The following SEL1L variants were observed in gnomAD, a reference collection of about 807,000 sequenced individuals.
SEL1L encodes the protein SEL1L adaptor subunit of SYVN1 ubiquitin ligase, also known as protein sel-1 homolog 1.
SEL1L carries 52 observed loss-of-function variants against 109.8 expected under a neutral mutation model. The ratio of observed to expected loss-of-function variants is 0.47; its 90% confidence interval spans 0.38 to 0.60. The LOEUF (loss-of-function observed/expected upper bound fraction) is 0.60, where lower values mean the gene tolerates loss of function less well. Among genes scored for constraint, SEL1L ranks in the 20% least tolerant of loss-of-function variants. The pLI is 0.00. For missense variants in SEL1L, 749 were observed against 962.2 expected, an observed-to-expected ratio of 0.78 and a Z score of 2.93; for synonymous variants, 373 against 339.6, an observed-to-expected ratio of 1.10 and a Z score of -1.08.
At chr14:81,507,802 T>C (rs1368609953) in intron 3 of SEL1L, among the ~76,000 whole-genome samples, 1 of 152,176 alleles carries the variant, frequency 6.6e-6, no homozygotes, top group African/African-American at 2.4e-5. Flanking sequence ...TATGAGCCCA[T>C]GTCAACTTCC....
intron 3 of SEL1L, among the ~76,000 whole-genome samples, chr14:81,526,424 A>G (rs1885115727): frequency 1.3e-5 from 2 of 152,168 alleles, no homozygotes; most frequent in Admixed American, 1.3e-4. Context: ...ACCCTGACAT[A>G]TTATTTTTTT....
chr14:81,506,389 T>A, intron 3 of SEL1L, 148 bp from the exon 4 acceptor site: 1 of 690,272 alleles, frequency 1.4e-6, no homozygotes, highest in Non-Finnish European at 2.3e-6. Context: ...CTAGCAATGA[T>A]TTTGATTAGG....
At chr14:81,498,080 A>G (rs774257481) in intron 9 of SEL1L, 34 bp from the exon 10 acceptor site, 2 of 1,587,984 alleles carry the variant, frequency 1.3e-6, no homozygotes, top group South Asian at 2.3e-5. Flanking sequence ...AAGGTGGAGG[A>G]AAATCAGAAG....
intron 3 of SEL1L, among the ~76,000 whole-genome samples, chr14:81,513,113 C>G (rs771810398): frequency 6.6e-5 from 10 of 152,092 alleles, no homozygotes; most frequent in Admixed American, 5.2e-4. Flanking sequence ...TCTGTAAGAA[C>G]GCACCAATCA....
intron 20 of SEL1L, among the ~76,000 whole-genome samples, chr14:81,478,700 G>C (rs1445260229): frequency 4.6e-5 from 7 of 152,200 alleles, no homozygotes; most frequent in Non-Finnish European, 1.0e-4. Context: ...AGTCCCACAA[G>C]ACCAGTGCTC....
intron 3 of SEL1L, among the ~76,000 whole-genome samples, chr14:81,515,227 T>C (rs901787527): frequency 6.6e-6 from 1 of 152,264 alleles, no homozygotes; most frequent in East Asian, 1.9e-4. Context: ...TGGGTACATG[T>C]CCCCTCCTCC....
intron 11 of SEL1L, among the ~76,000 whole-genome samples, chr14:81,493,284 CGAATCACTTGAG>C (rs1555413494): frequency 2.0e-5 from 3 of 152,018 alleles, no homozygotes; most frequent in Non-Finnish European, 4.4e-5. Context: ...CCAAGACGGG[CGAATCACTTGAG>C]GTCAGGAGTT....
intron 3 of SEL1L, among the ~76,000 whole-genome samples, chr14:81,509,641 T>TA (rs1415088788): frequency 6.6e-6 from 1 of 152,136 alleles, no homozygotes; most frequent in Non-Finnish European, 1.5e-5. Context: ...TAAGAAAAAG[T>TA]AAAAAGCAAA....
intron 6 of SEL1L, among the ~76,000 whole-genome samples, chr14:81,500,452 G>A (rs955196123): frequency 3.3e-5 from 5 of 151,912 alleles, no homozygotes; most frequent in Non-Finnish European, 5.9e-5. Context: ...TGGCCAGGCT[G>A]GTTGTGAACT....
intron 1 of SEL1L, among the ~76,000 whole-genome samples, chr14:81,529,214 A>G (rs1885235048): frequency 2.0e-5 from 3 of 152,182 alleles, no homozygotes; most frequent in African/African-American, 7.2e-5. Flanking sequence ...AGTATTACCC[A>G]AAGCCCAATT....
At chr14:81,495,199 G>T in intron 10 of SEL1L, 62 bp from the exon 11 acceptor site, 1 of 1,436,712 alleles carries the variant, frequency 7.0e-7, no homozygotes, top group South Asian at 1.2e-5. Context: ...ATTAAAATCA[G>T]ACCAACAAGA....
In SEL1L at chr14:81,526,872, T is replaced by C. The variant is rs1170588547; in HGVS notation, c.201A>G (p.Glu67=). Residue 67 remains glutamate, a synonymous_variant, in exon 3 of 21, where the codon GAA becomes GAG. Transcript: ENST00000336735. ...CCTCTTCTTGAATAGAGGATTCTAA[T>C]TCAGATTCTTCTGAATCAAGAAATA... ...GQIFLDSEES[E]LESSIQEEED... 1.9e-6 allele frequency: 3 copies of C among 1,599,990 alleles called. No individual in the cohort carries two copies. Among genetic ancestry groups the C allele is most frequent in the Non-Finnish European group, 2.6e-6 (3 of 1,174,958 alleles).
At position 81,486,438 on chromosome 14, in the gene SEL1L, C is replaced by T. The variant is rs185034583; in HGVS notation, c.1649G>A (p.Cys550Tyr). Residue 550 changes from cysteine to tyrosine, a missense_variant, in exon 17 of 21, where the codon TGT (cysteine) becomes TAT (tyrosine). Coordinates refer to ENST00000336735, the MANE Select transcript of SEL1L (RefSeq NM_005065.6). ...HTAVELFKNVCERGRWSERLM... is the reference protein window; with the variant it reads ...HTAVELFKNVYERGRWSERLM... ...CCTTTCAGACCAACGGCCTCGTTCA[C>T]ATACATTCTTAAACAACTGTGTGAG... is the stretch of plus-strand genomic sequence containing the variant. 1.9e-6 allele frequency: 3 copies of T among 1,613,692 alleles called. No homozygotes were observed.
At chr14:81,518,165 T>C (rs1595531776) in intron 3 of SEL1L, among the ~76,000 whole-genome samples, 2 of 151,382 alleles carry the variant, frequency 1.3e-5, no homozygotes, top group East Asian at 4.0e-4. Flanking sequence ...AATGCTGGGA[T>C]TACAGGCATG....
At chr14:81,508,831 C>A (rs1283148681) in intron 3 of SEL1L, among the ~76,000 whole-genome samples, 1 of 152,160 alleles carries the variant, frequency 6.6e-6, no homozygotes, top group Admixed American at 6.5e-5. Context: ...CATAGGAATT[C>A]CAGTTTGCCA....
intron 3 of SEL1L, among the ~76,000 whole-genome samples, chr14:81,506,619 T>C (rs1258304660): frequency 6.6e-6 from 1 of 152,184 alleles, no homozygotes; most frequent in Non-Finnish European, 1.5e-5. Context: ...TGTAAGTCAA[T>C]TTCTTCAGTA....
intron 10 of SEL1L, among the ~76,000 whole-genome samples, chr14:81,497,451 G>T (rs1883812293): frequency 6.6e-6 from 1 of 152,220 alleles, no homozygotes; most frequent in Non-Finnish European, 1.5e-5. Context: ...AAGAAATTAT[G>T]ATTTTAGATG....
intron 3 of SEL1L, among the ~76,000 whole-genome samples, chr14:81,510,472 ATC>A (rs374089460): frequency 0.06 from 7,158 of 118,708 alleles, 451 homozygotes; most frequent in African/African-American, 0.15. Flanking sequence ...TAGAATGCTG[ATC>A]TCTCTCTCTC....
intron 15 of SEL1L, 27 bp from the exon 16 acceptor site, chr14:81,487,565 G>C (rs1903559690): frequency 2.5e-6 from 4 of 1,584,590 alleles, no homozygotes; most frequent in Non-Finnish European, 3.4e-6. Context: ...AATCACACGA[G>C]ATAATAGACT....
Sources: gnomAD v4.1 joint callset for allele counts (sites outside exome capture counted in the v4.1 genomes callset) on GRCh38, gnomAD v4.1.1 for gene constraint, MANE v1.5 for transcripts, NCBI Gene and HGNC (gene_info 2026-07-23, HGNC 2026-07-21) for gene names.